DLG2: variants seen among roughly 807,000 people sequenced by gnomAD.
DLG2 encodes the protein discs large MAGUK scaffold protein 2, also known as disks large homolog 2.
In DLG2, 45 loss-of-function variants were observed where a neutral mutation model predicts 132.5. The observed-to-expected ratio is 0.34, with a 90% confidence interval of 0.27 to 0.44. The LOEUF is 0.44. Ranked by LOEUF, DLG2 falls within the 20% of genes least tolerant of loss-of-function variation. DLG2 has a pLI of 1.00. For missense variants in DLG2, 1,045 were observed against 1,196.9 expected, an observed-to-expected ratio of 0.87 and a Z score of 1.87; for synonymous variants, 424 against 419.6, an observed-to-expected ratio of 1.01 and a Z score of -0.13.
chr11:85,412,004 C>A (rs532648564), intron 3 of DLG2, among the ~76,000 whole-genome samples: 1 of 151,914 alleles, frequency 6.6e-6, no homozygotes, highest in Admixed American at 6.6e-5. Flanking sequence ...TGCTGTATCA[C>A]CAATGTGTTT....
At chr11:83,508,045 T>C (rs980530086) in intron 21 of DLG2, among the ~76,000 whole-genome samples, 2 of 151,848 alleles carry the variant, frequency 1.3e-5, no homozygotes, top group Non-Finnish European at 2.9e-5. Flanking sequence ...GATTAGATGG[T>C]ACCCACCCAG....
chr11:83,808,513 C>G (rs1435429500), intron 17 of DLG2, among the ~76,000 whole-genome samples: 2 of 152,160 alleles, frequency 1.3e-5, no homozygotes, highest in Non-Finnish European at 2.9e-5. Flanking sequence ...AACAGAGGAC[C>G]TGGAACTCTC....
At chr11:84,994,240 A>G (rs550449127) in intron 6 of DLG2, among the ~76,000 whole-genome samples, 4 of 152,208 alleles carry the variant, frequency 2.6e-5, no homozygotes, top group Non-Finnish European at 5.9e-5. Context: ...AGCTCTACTC[A>G]TCTCTACTGT....
intron 21 of DLG2, among the ~76,000 whole-genome samples, chr11:83,506,317 A>T (rs1353993973): frequency 6.6e-6 from 1 of 152,212 alleles, no homozygotes; most frequent in Non-Finnish European, 1.5e-5. Flanking sequence ...CCAAATCAAT[A>T]AATTCAGCCT....
Position 83,972,738 on chromosome 11 carries a change from A to G in DLG2, c.1057-7270T>C, listed in dbSNP as rs138971040. 1.9e-3 allele frequency among the ~76,000 whole-genome samples: 295 copies of G among 152,266 alleles called. 3 individuals are homozygous for G. The highest frequency in any genetic ancestry group is 6.9e-3 in the African/African-American group (285 of 41,570). On this transcript the variant is annotated intron_variant, in intron 12 of 27. Transcript: ENST00000376104. The stretch of plus-strand genomic sequence containing the variant: ...GCATTTGTGTTGCATTCTATTTTAC[A>G]TTTGTGTTGAGTCAGAGAGTAAAGC...
intron 15 of DLG2, among the ~76,000 whole-genome samples, chr11:83,889,157 G>T (rs886223627): frequency 6.6e-6 from 1 of 152,076 alleles, no homozygotes; most frequent in Non-Finnish European, 1.5e-5. Context: ...ACTACCATCA[G>T]AGTGAACAGG....
At chr11:85,559,543 A>G (rs368988161) in intron 3 of DLG2, among the ~76,000 whole-genome samples, 6 of 151,624 alleles carry the variant, frequency 4.0e-5, no homozygotes, top group Admixed American at 2.0e-4. Context: ...TATATGTGCT[A>G]TTCTTAAATA....
chr11:84,940,126 A>C (rs2049211737), intron 6 of DLG2, among the ~76,000 whole-genome samples: 1 of 152,104 alleles, frequency 6.6e-6, no homozygotes, highest in Admixed American at 6.5e-5. Context: ...TTTTTACTGG[A>C]GTGAGATGAT....
At chr11:83,953,179 A>G (rs2085911815) in intron 14 of DLG2, among the ~76,000 whole-genome samples, 1 of 152,136 alleles carries the variant, frequency 6.6e-6, no homozygotes, top group African/African-American at 2.4e-5. Context: ...GTATCTCACA[A>G]TTTTCCTATA....
intron 9 of DLG2, among the ~76,000 whole-genome samples, chr11:84,110,589 T>C (rs2093288034): frequency 6.6e-6 from 1 of 152,092 alleles, no homozygotes; most frequent in African/African-American, 2.4e-5. Context: ...GCAAGTCCGA[T>C]CCCAAAGAGG....
At chr11:85,082,823 T>A (rs2067426461) in intron 6 of DLG2, among the ~76,000 whole-genome samples, 1 of 151,324 alleles carries the variant, frequency 6.6e-6, no homozygotes, top group Admixed American at 6.6e-5. Context: ...TATTCTGATT[T>A]GAACAAGTAT....
chr11:83,651,125 T>C (rs182383451), intron 18 of DLG2, among the ~76,000 whole-genome samples: 55 of 152,270 alleles, frequency 3.6e-4, no homozygotes, highest in Admixed American at 3.5e-3. Flanking sequence ...CATTATGTCT[T>C]ATTTGACTGT....
chr11:85,475,886 C>G (rs1179567345), intron 3 of DLG2, among the ~76,000 whole-genome samples: 1 of 152,088 alleles, frequency 6.6e-6, no homozygotes, highest in Non-Finnish European at 1.5e-5. Flanking sequence ...TGTTCTTTCT[C>G]AAGTCCCAGT....
At chr11:83,730,332 G>A (rs1353011063) in intron 18 of DLG2, among the ~76,000 whole-genome samples, 1 of 151,724 alleles carries the variant, frequency 6.6e-6, no homozygotes, top group African/African-American at 2.4e-5. Context: ...ATTTCCACTT[G>A]TTGAAAATTT....
intron 6 of DLG2, among the ~76,000 whole-genome samples, chr11:84,705,629 C>T (rs987152387): frequency 6.6e-6 from 1 of 151,662 alleles, no homozygotes; most frequent in African/African-American, 2.4e-5. Context: ...CATTCCTCAC[C>T]AAGTACTTAT....
Position 84,250,039 on chromosome 11 carries a change from C to A in DLG2, c.573+1199G>T, listed in dbSNP as rs922580214. On this transcript the variant is annotated intron_variant, in intron 8 of 27. Transcript: ENST00000376104. ...CAGGACCGCCAGAACCTGCTCAGGA[C>A]CGCCAGTTCTTTTGAGGTATTTGAG... is the stretch of plus-strand genomic sequence containing the variant. Among the ~76,000 whole-genome samples the A allele has an allele frequency of 4.6e-5, 7 of 152,168 alleles. No homozygotes were observed. The East Asian group carries it at 7.7e-4, about 17-fold the overall frequency.
At chr11:83,873,905 C>T (rs530678641) in intron 16 of DLG2, among the ~76,000 whole-genome samples, 4 of 152,144 alleles carry the variant, frequency 2.6e-5, no homozygotes, top group Non-Finnish European at 4.4e-5. Context: ...TTATGCATAT[C>T]TCCTATAGAG....
intron 6 of DLG2, among the ~76,000 whole-genome samples, chr11:84,960,710 C>A (rs995081593): frequency 1.3e-5 from 2 of 152,076 alleles, no homozygotes; most frequent in African/African-American, 2.4e-5. Flanking sequence ...ATTAAAATTT[C>A]TTTAAAGGAC....
At chr11:85,274,394 TAC>T (rs1423943308) in intron 4 of DLG2, among the ~76,000 whole-genome samples, 1 of 152,166 alleles carries the variant, frequency 6.6e-6, no homozygotes, top group East Asian at 1.9e-4. Flanking sequence ...CTCCTTTACT[TAC>T]AGTCAACTGA....
Sources: allele counts gnomAD v4.1 joint callset (sites outside exome capture counted in the v4.1 genomes callset), GRCh38; gene constraint gnomAD v4.1.1; transcripts MANE v1.5; gene names NCBI Gene and HGNC (gene_info 2026-07-23, HGNC 2026-07-21).